Variants in SLC9B1 observed in about 807,000 individuals in gnomAD.
SLC9B1 encodes sodium/hydrogen exchanger 9B1.
A neutral mutation model predicts 51.7 loss-of-function variants in SLC9B1; 32 were observed. That is an observed-to-expected ratio of 0.62 (90% confidence interval 0.47 to 0.83). The LOEUF is 0.83. Among genes scored for constraint, SLC9B1 ranks in the 40% least tolerant of loss-of-function variants. The probability of loss-of-function intolerance (pLI) is 0.00; values close to 1 mark genes in which losing one functional copy is unlikely to be tolerated. For synonymous variants in SLC9B1, 145 were observed against 212.7 expected, an observed-to-expected ratio of 0.68 and a Z score of 2.77; for missense variants, 406 against 613.2, an observed-to-expected ratio of 0.66 and a Z score of 3.57.
At chr4:102,928,187 G>A (rs1406624789) in intron 7 of SLC9B1, among the ~76,000 whole-genome samples, 1 of 152,098 alleles carries the variant, frequency 6.6e-6, no homozygotes, top group African/African-American at 2.4e-5. Context: ...TATCAAACCT[G>A]CATGTTGTGC....
intron 7 of SLC9B1, among the ~76,000 whole-genome samples, chr4:102,923,623 G>T (rs1735998810): frequency 6.6e-6 from 1 of 151,948 alleles, no homozygotes; most frequent in South Asian, 2.1e-4. Context: ...AAGTCAAATT[G>T]TCCCTGTTTG....
rs142727616 is a variant in SLC9B1, at chr4:103,012,895, A to G, written c.-2+6704T>C. Among the ~76,000 whole-genome samples, 168 of 152,330 alleles carry G rather than the reference A, an allele frequency of 1.1e-3. 1 individual carries two copies. Among genetic ancestry groups the G allele is most frequent in the African/African-American group, 4.0e-3 (166 of 41,588 alleles). On this transcript the variant is annotated intron_variant, in intron 1 of 11. Coordinates refer to ENST00000296422, the MANE Select transcript of SLC9B1 (RefSeq NM_139173.4). ...CCCCAGGCCTCTTGTAAGGACTTTT[A>G]TAATACATTCATGAGGGCAGATCCC...
At chr4:102,959,700 T>C (rs140264522) in intron 3 of SLC9B1, among the ~76,000 whole-genome samples, 1 of 152,244 alleles carries the variant, frequency 6.6e-6, no homozygotes, top group Non-Finnish European at 1.5e-5. Flanking sequence ...AGAAGGACAC[T>C]CCCCTGTGCT....
At chr4:102,915,288 C>T (rs1232053643) in intron 7 of SLC9B1, among the ~76,000 whole-genome samples, 1 of 152,160 alleles carries the variant, frequency 6.6e-6, no homozygotes, top group African/African-American at 2.4e-5. Flanking sequence ...GATAGAAATA[C>T]AAAAGCATAC....
chr4:102,972,146 C>T (rs2110499922), intron 3 of SLC9B1, among the ~76,000 whole-genome samples: 1 of 152,276 alleles, frequency 6.6e-6, no homozygotes, highest in South Asian at 2.1e-4. Context: ...TTTTATGAGG[C>T]CAGCATCATC....
chr4:102,905,442 T>A (rs1434747738), intron 11 of SLC9B1, 72 bp downstream of exon 11: 1 of 1,444,428 alleles, frequency 6.9e-7, no homozygotes, highest in Non-Finnish European at 9.6e-7. Flanking sequence ...GTGACTAGAG[T>A]AACATTTTTC....
chr4:102,985,299 G>A (rs537635156), intron 3 of SLC9B1, among the ~76,000 whole-genome samples: 1 of 152,262 alleles, frequency 6.6e-6, no homozygotes, highest in South Asian at 2.1e-4. Flanking sequence ...GACATTTAAA[G>A]TGATTATTGA....
At chr4:102,969,778 A>T (rs1738648412) in intron 3 of SLC9B1, among the ~76,000 whole-genome samples, 1 of 152,204 alleles carries the variant, frequency 6.6e-6, no homozygotes, top group Admixed American at 6.5e-5. Flanking sequence ...AATAAACAAC[A>T]TAGAGAAGAC....
chr4:102,930,933 G>A (rs1448462567), intron 7 of SLC9B1, among the ~76,000 whole-genome samples: 1 of 151,922 alleles, frequency 6.6e-6, no homozygotes, highest in African/African-American at 2.4e-5. Context: ...CAGGTTATAA[G>A]AACATATTAG....
intron 6 of SLC9B1, among the ~76,000 whole-genome samples, chr4:102,938,430 C>T (rs2110465568): frequency 1.3e-5 from 2 of 152,286 alleles, no homozygotes; most frequent in South Asian, 4.1e-4. Flanking sequence ...TAGTGGGAGA[C>T]TTCAACATCT....
intron 6 of SLC9B1, among the ~76,000 whole-genome samples, chr4:102,936,654 T>C (rs1446754035): frequency 6.6e-6 from 1 of 152,108 alleles, no homozygotes; most frequent in Non-Finnish European, 1.5e-5. Context: ...GAGAAAAGAA[T>C]CTTAGATCTC....
At chr4:102,887,498 T>C in intron 11 of SLC9B1, 2 of 819,570 alleles carry the variant, frequency 2.4e-6, no homozygotes, top group Non-Finnish European at 4.1e-6. Flanking sequence ...TAATTATTAC[T>C]ACTGGTTGAA....
rs956192346 is a variant in SLC9B1 at position 102,970,622 on chromosome 4, A to G, written c.211+19178T>C. Among the ~76,000 whole-genome samples the G allele has an allele frequency of 3.3e-5, 5 of 152,308 alleles. No individual in the cohort carries two copies. The East Asian group carries it at 5.8e-4, about 18-fold the overall frequency. On this transcript the variant is annotated intron_variant, in intron 3 of 11. Transcript: ENST00000296422. Reference sequence around the variant, plus strand: ...AGCTAACATCATAATGACAGGATCAAATTCACACATAACAATATTAACCTT... The same window carrying G: ...AGCTAACATCATAATGACAGGATCAGATTCACACATAACAATATTAACCTT...
intron 1 of SLC9B1, among the ~76,000 whole-genome samples, chr4:103,018,921 A>T (rs1405443994): frequency 2.0e-5 from 3 of 152,200 alleles, no homozygotes; most frequent in Non-Finnish European, 4.4e-5. Flanking sequence ...TTAGATTCTC[A>T]TAGGAGCACA....
chr4:102,887,794 T>G (rs1441019487), intron 11 of SLC9B1: 1 of 168,040 alleles, frequency 6.0e-6, no homozygotes, highest in Non-Finnish European at 1.3e-5. Flanking sequence ...TTCATATCTC[T>G]TTTGGTTTTG....
intron 11 of SLC9B1, among the ~76,000 whole-genome samples, chr4:102,895,338 A>G (rs1241024520): frequency 1.3e-5 from 2 of 152,212 alleles, no homozygotes; most frequent in Non-Finnish European, 2.9e-5. Context: ...ACGTACATAA[A>G]TGGAGACAGG....
At chr4:102,988,878 A>T (rs1739800260) in intron 3 of SLC9B1, among the ~76,000 whole-genome samples, 1 of 152,092 alleles carries the variant, frequency 6.6e-6, no homozygotes, top group South Asian at 2.1e-4. Flanking sequence ...TCAGTGAATA[A>T]TTTTGGTAAA....
chr4:102,957,554 T>C (rs1188253012), intron 3 of SLC9B1, among the ~76,000 whole-genome samples: 1 of 152,148 alleles, frequency 6.6e-6, no homozygotes, highest in Admixed American at 6.5e-5. Flanking sequence ...CAATTAAGAA[T>C]TCGGTATCCA....
At chr4:102,959,486 C>T (rs570509479) in intron 3 of SLC9B1, among the ~76,000 whole-genome samples, 2 of 152,128 alleles carry the variant, frequency 1.3e-5, no homozygotes, top group Non-Finnish European at 2.9e-5. Flanking sequence ...CTAGGAAAAT[C>T]AGAACATTTC....
Sources: gnomAD v4.1 joint callset for allele counts (sites outside exome capture counted in the v4.1 genomes callset) on GRCh38, gnomAD v4.1.1 for gene constraint, MANE v1.5 for transcripts, NCBI Gene and HGNC (gene_info 2026-07-23, HGNC 2026-07-21) for gene names.